The following WWOX variants were observed in gnomAD, a reference collection of about 807,000 sequenced individuals.
WWOX encodes WW domain-containing oxidoreductase.
In WWOX, 69 loss-of-function variants were observed where a neutral mutation model predicts 46.2. The observed-to-expected ratio is 1.49, with a 90% CI of 1.23 to 1.82. The LOEUF (loss-of-function observed/expected upper bound fraction) is 1.82. Among genes scored for constraint, WWOX ranks in the 40% most tolerant of loss-of-function variants. WWOX has a pLI of 0.00. For missense variants in WWOX, 919 were observed against 542.6 expected (o/e 1.69, Z -6.89); for synonymous variants, 359 against 202.6 (o/e 1.77, Z -6.56).
intron 8 of WWOX, among the ~76,000 whole-genome samples, chr16:78,778,546 C>A (rs1270226270): frequency 6.6e-6 from 1 of 152,104 alleles, no homozygotes; most frequent in Non-Finnish European, 1.5e-5. Flanking sequence ...GTGAGTGTTC[C>A]AAGCTTCTCA....
rs575646437 is a variant in WWOX, at chr16:78,829,300, G to C, written c.1057-382308G>C. On this transcript the variant is annotated intron_variant, in intron 8 of 8. Transcript: ENST00000566780. ...CCCATGGTAGAAACCTCATCCAAAG[G>C]CAGAAGACAAGCATCCCAGGTTGAA... is the stretch of plus-strand genomic sequence containing the variant. Among the ~76,000 whole-genome samples, 73 of 152,296 alleles carry C rather than the reference G, an allele frequency of 4.8e-4. 1 individual carries two copies. In the South Asian group the frequency reaches 0.015, roughly 31 times the overall value.
At chr16:78,434,616 G>C (rs1365578172) in intron 8 of WWOX, among the ~76,000 whole-genome samples, 1 of 152,160 alleles carries the variant, frequency 6.6e-6, no homozygotes, top group Admixed American at 6.5e-5. Context: ...TGGGTCTTGA[G>C]TCATCTCACT....
chr16:78,829,202 G>A (rs78840808), intron 8 of WWOX, among the ~76,000 whole-genome samples: 7,038 of 152,198 alleles, frequency 0.046, 210 homozygotes, highest in Non-Finnish European at 0.066. Context: ...AGGAACTGGC[G>A]AATTGGCTCA....
intron 5 of WWOX, among the ~76,000 whole-genome samples, chr16:78,370,130 CAAAAAA>C (rs749015478): frequency 2.6e-5 from 2 of 76,110 alleles, no homozygotes; most frequent in Non-Finnish European, 2.3e-5. Context: ...AGACTGTCTC[CAAAAAA>C]AAAAAAAAAA....
chr16:78,396,584 C>G (rs1318175539), intron 6 of WWOX, among the ~76,000 whole-genome samples: 1 of 152,162 alleles, frequency 6.6e-6, no homozygotes, highest in Non-Finnish European at 1.5e-5. Flanking sequence ...CACAATCCCA[C>G]CAGTGCACAT....
chr16:78,833,422 TCTCCTCCTCCTCCTC>T (rs56086314), intron 8 of WWOX, among the ~76,000 whole-genome samples: 1 of 150,268 alleles, frequency 6.7e-6, no homozygotes, highest in Non-Finnish European at 1.5e-5. Flanking sequence ...GGCCCAGCCA[TCTCCTCCTCCTCCTC>T]CTCCTCCTCC....
chr16:78,969,488 C>G (rs557369315), intron 8 of WWOX, among the ~76,000 whole-genome samples: 3 of 152,230 alleles, frequency 2.0e-5, no homozygotes, highest in Non-Finnish European at 4.4e-5. Context: ...CCAGGCTGGT[C>G]TCAAACTCCT....
chr16:79,052,050 TAATTA>T (rs2048177547), intron 8 of WWOX, among the ~76,000 whole-genome samples: 2 of 145,740 alleles, frequency 1.4e-5, no homozygotes, highest in African/African-American at 5.0e-5. Flanking sequence ...TTTTTTTTTT[TAATTA>T]TACTTTAAGT....
At chr16:78,763,515 T>C (rs1110554) in intron 8 of WWOX, among the ~76,000 whole-genome samples, 117,401 of 151,950 alleles carry the variant, frequency 0.77, 45,802 homozygotes, top group Non-Finnish European at 0.83. Flanking sequence ...ATGAATGCAA[T>C]TTTTTACATA....
chr16:78,361,606 CTTTCT>C (rs1332633612), intron 5 of WWOX, among the ~76,000 whole-genome samples: 2 of 151,924 alleles, frequency 1.3e-5, no homozygotes, highest in African/African-American at 4.8e-5. Context: ...TCCCCCATTT[CTTTCT>C]TTTCTTTTCT....
At chr16:78,849,327 T>C (rs1204840875) in intron 8 of WWOX, among the ~76,000 whole-genome samples, 1 of 151,736 alleles carries the variant, frequency 6.6e-6, no homozygotes, top group Admixed American at 6.6e-5. Flanking sequence ...TCCCAGCACT[T>C]TGGGAGGCCG....
chr16:78,232,239 G>A (rs920530780), intron 5 of WWOX, among the ~76,000 whole-genome samples: 2 of 152,156 alleles, frequency 1.3e-5, no homozygotes, highest in Non-Finnish European at 2.9e-5. Flanking sequence ...GGGAAAAATA[G>A]TATTAGGGCA....
At chr16:78,260,055 A>G (rs1020935806) in intron 5 of WWOX, among the ~76,000 whole-genome samples, 1 of 151,120 alleles carries the variant, frequency 6.6e-6, no homozygotes, top group Non-Finnish European at 1.5e-5. Flanking sequence ...GCGTTGCCAG[A>G]GAACTTACAC....
At chr16:79,020,374 C>T (rs2047509551) in intron 8 of WWOX, among the ~76,000 whole-genome samples, 1 of 152,174 alleles carries the variant, frequency 6.6e-6, no homozygotes, top group African/African-American at 2.4e-5. Context: ...AATTCCGGCT[C>T]TGCCACTTGC....
chr16:78,407,441 T>C (rs1333948160), intron 6 of WWOX, among the ~76,000 whole-genome samples: 1 of 152,202 alleles, frequency 6.6e-6, no homozygotes, highest in African/African-American at 2.4e-5. Context: ...TATCTTAACA[T>C]TCAGAAGAGT....
At chr16:79,104,053 G>A (rs916559045) in intron 8 of WWOX, among the ~76,000 whole-genome samples, 1 of 94,020 alleles carries the variant, frequency 1.1e-5, no homozygotes, top group African/African-American at 3.7e-5. Context: ...GGGGGGGGCG[G>A]GTGGTGGGGG....
intron 8 of WWOX, among the ~76,000 whole-genome samples, chr16:78,948,792 G>T (rs1338208128): frequency 6.6e-6 from 1 of 152,120 alleles, no homozygotes; most frequent in African/African-American, 2.4e-5. Context: ...CCTTGCAGAT[G>T]TAATTAAGGT....
At chr16:78,624,553 C>G (rs1450953479) in intron 8 of WWOX, among the ~76,000 whole-genome samples, 2 of 152,106 alleles carry the variant, frequency 1.3e-5, no homozygotes, top group African/African-American at 4.8e-5. Flanking sequence ...TTGGCTGTTT[C>G]TGTATAAACA....
chr16:79,121,585 G>A (rs577609932), intron 8 of WWOX, among the ~76,000 whole-genome samples: 8 of 152,112 alleles, frequency 5.3e-5, no homozygotes, highest in African/African-American at 1.9e-4. Flanking sequence ...ACAAGAGACC[G>A]TGCTGGTGAG....
Sources: gnomAD v4.1 joint callset for allele counts (sites outside exome capture counted in the v4.1 genomes callset) on GRCh38, gnomAD v4.1.1 for gene constraint, MANE v1.5 for transcripts, NCBI Gene and HGNC (gene_info 2026-07-23, HGNC 2026-07-21) for gene names.